Variants in UROC1 observed in about 807,000 individuals in gnomAD.
UROC1 encodes the protein urocanate hydratase 1, also known as urocanate hydratase.
A neutral mutation model predicts 89.5 loss-of-function variants in UROC1; 79 were observed. The observed-to-expected ratio is 0.88, with a 90% CI of 0.74 to 1.06. UROC1 has a LOEUF of 1.06. Among genes scored for constraint, UROC1 ranks in the 50% least tolerant of loss-of-function variants. The pLI is 0.00. For synonymous variants in UROC1, 361 were observed against 354.8 expected (o/e 1.02, Z -0.20); for missense variants, 885 against 907.8 (o/e 0.97, Z 0.32).
intron 19 of UROC1, 150 bp downstream of exon 19, chr3:126,483,219 T>G: frequency 1.4e-6 from 1 of 733,512 alleles, no homozygotes; most frequent in Non-Finnish European, 2.4e-6. Context: ...TTGAGCTGAT[T>G]CCCCCTTCCT....
chr3:126,505,960 G>T lies in UROC1; in HGVS notation c.654C>A (p.Ile218=). Residue 218 remains isoleucine (I), a synonymous_variant, in exon 7 of 20, where the codon ATC becomes ATA. Transcript: ENST00000290868. ...CATCTCTCACCACAGTGCCATGAAC[G>T]ATTCCCTGGGGACCGATGTAGCAGT... ...GSYCYIGPQG[I]VHGTVLTVLN... 1 of 1,597,392 alleles carries T rather than the reference G, an allele frequency of 6.3e-7. No homozygotes were observed. Among genetic ancestry groups the T allele is most frequent in the Non-Finnish European group, 8.5e-7 (1 of 1,171,202 alleles).
In UROC1 at chr3:126,499,380, T is replaced by C. The variant is rs772531060; in HGVS notation, c.1273A>G (p.Arg425Gly). Residue 425 changes from arginine to glycine, a missense_variant, in exon 13 of 20, where the codon AGG (arginine) becomes GGG (glycine). Physicochemically the swap from Arg to Gly is moderately radical, Grantham distance 125. Transcript: ENST00000290868. The part of the protein sequence containing the change: ...GADVEKKGAG[R>G]TEFRYPSYVQ... Reference sequence around the variant, plus strand: ...TAGGAAGGGTAGCGGAACTCTGTCCTGCCAGCACCTTTCTTCTCCACATCC... The same window carrying C: ...TAGGAAGGGTAGCGGAACTCTGTCCCGCCAGCACCTTTCTTCTCCACATCC... The C allele has an allele frequency of 3.1e-6, 5 of 1,612,662 alleles. No individual in the cohort carries two copies. Among genetic ancestry groups the C allele is most frequent in the Non-Finnish European group, 4.2e-6 (5 of 1,179,794 alleles).
chr3:126,497,473 G>T (rs1935804634), intron 14 of UROC1, among the ~76,000 whole-genome samples: 1 of 152,226 alleles, frequency 6.6e-6, no homozygotes, highest in African/African-American at 2.4e-5. Flanking sequence ...GGATGAACAT[G>T]GGGGACCCTG....
chr3:126,488,761 G>A (rs62264727), intron 17 of UROC1, among the ~76,000 whole-genome samples: 4,570 of 152,274 alleles, frequency 0.03, 78 homozygotes, highest in African/African-American at 0.05. Flanking sequence ...AGCCCAAGCC[G>A]GTCACCTTAT....
intron 11 of UROC1, 35 bp from the exon 12 acceptor site, chr3:126,500,189 AGGCCCTGGGGCC>A (rs768278145): frequency 8.1e-6 from 13 of 1,606,166 alleles, no homozygotes; most frequent in Non-Finnish European, 1.1e-5. Flanking sequence ...CACCGCTGTG[AGGCCCTGGGGCC>A]TCCCCAATGT....
intron 1 of UROC1, among the ~76,000 whole-genome samples, chr3:126,511,793 G>A (rs1397500424): frequency 2.0e-5 from 3 of 152,180 alleles, no homozygotes; most frequent in Admixed American, 6.5e-5. Flanking sequence ...CAGCCCCAAA[G>A]CTCTGTCTGC....
intron 14 of UROC1, among the ~76,000 whole-genome samples, chr3:126,496,469 G>A (rs955220326): frequency 3.3e-5 from 5 of 152,220 alleles, no homozygotes; most frequent in African/African-American, 7.2e-5. Flanking sequence ...TGGTGGATGC[G>A]GGGGCTTTCT....
chr3:126,500,143 T>G lies in UROC1; in HGVS notation c.1157A>C (p.Gln386Pro), dbSNP rs772028951. 2 of 1,613,768 alleles carry G rather than the reference T, an allele frequency of 1.2e-6. No individual in the cohort carries two copies. Among genetic ancestry groups the G allele is most frequent in the Non-Finnish European group, 1.7e-6 (2 of 1,179,980 alleles). Residue 386 changes from glutamine (Q) to proline (P), a missense_variant, in exon 12 of 20, where the codon CAA becomes CCA. Coordinates refer to ENST00000290868, the MANE Select transcript of UROC1 (RefSeq NM_144639.3). The part of the protein sequence containing the change: ...KDLVQESLRR[Q>P]VSAINRLAEE... ...GGCCAACCTGTTGATGGCTGAGACT[T>G]GCCTCCTCAGGCTGCAACAAGCCAT...
At chr3:126,487,581 G>C (rs1427027847) in intron 18 of UROC1, among the ~76,000 whole-genome samples, 3 of 152,218 alleles carry the variant, frequency 2.0e-5, no homozygotes, top group African/African-American at 7.2e-5. Flanking sequence ...ACTGGAGCCA[G>C]GCAGGGGGCG....
At position 126,500,171 on chromosome 3, in the gene UROC1, G is replaced by A; in HGVS notation, c.1146-17C>T. 5 of 1,612,738 alleles carry A rather than the reference G, an allele frequency of 3.1e-6. No homozygotes were observed. Among genetic ancestry groups the A allele is most frequent in the East Asian group, 2.2e-5 (1 of 44,864 alleles). On this transcript the variant is annotated splice_polypyrimidine_tract_variant and intron_variant, in intron 11 of 19. Coordinates refer to ENST00000290868, the MANE Select transcript of UROC1 (RefSeq NM_144639.3). ...CTCCTCAGGCTGCAACAAGCCATGG[G>A]TCAGCACCACCGCTGTGAGGCCCTG...
chr3:126,498,303 A>C, intron 13 of UROC1, 131 bp from the exon 14 acceptor site: 1 of 1,515,780 alleles, frequency 6.6e-7, no homozygotes, highest in African/African-American at 1.4e-5. Context: ...CTGTCATTGG[A>C]CAGAAAGTTC....
At chr3:126,508,224 G>T in intron 4 of UROC1, 129 bp from the exon 5 acceptor site, 10 of 1,551,172 alleles carry the variant, frequency 6.4e-6, no homozygotes, top group African/African-American at 1.4e-5. Flanking sequence ...AGTGGCCCTG[G>T]TGCCTCCCTC....
chr3:126,509,850 C>T lies in UROC1; in HGVS notation c.258-172G>A, dbSNP rs551425374. Among the ~76,000 whole-genome samples, 11 of 152,328 alleles carry T rather than the reference C, an allele frequency of 7.2e-5. No homozygotes were observed. In the South Asian group the frequency reaches 2.1e-3, roughly 29 times the overall value. ...GAGCCACTAGGGCTGAGGGAGGTGG[C>T]GTTCAGGCCCCAACCCACCCTGCTC... On this transcript the variant is annotated intron_variant, in intron 2 of 19. Transcript: ENST00000290868.
In UROC1 at chr3:126,498,163, G is replaced by A; in HGVS notation, c.1326C>T (p.Phe442=). The change falls in exon 14 of 20, where the codon TTC becomes TTT. Residue 442 remains phenylalanine (F), a synonymous_variant. Coordinates refer to ENST00000290868, the MANE Select transcript of UROC1 (RefSeq NM_144639.3). Reference sequence around the variant, plus strand: ...AGCGGAAAGGCCCAAATCCCTGGGAGAATATGTCCCTGCAAGCACAGATGC... The same window carrying A: ...AGCGGAAAGGCCCAAATCCCTGGGAAAATATGTCCCTGCAAGCACAGATGC... ...SYVQHIMGDI[F]SQGFGPFRWV... is the part of the protein sequence containing the mutation. The A allele has an allele frequency of 6.2e-7, 1 of 1,614,218 alleles. No homozygotes were observed. The highest frequency in any genetic ancestry group is 8.5e-7 in the Non-Finnish European group (1 of 1,180,028).
chr3:126,501,730 G>C (rs535238367), intron 9 of UROC1: 1 of 1,534,262 alleles, frequency 6.5e-7, no homozygotes, highest in Non-Finnish European at 8.9e-7. Context: ...GCAGGTAGTA[G>C]AGATATCAAA....
intron 9 of UROC1, 130 bp downstream of exon 9, chr3:126,503,865 G>A (rs1040916287): frequency 1.7e-5 from 16 of 941,106 alleles, no homozygotes; most frequent in Non-Finnish European, 2.8e-5. Context: ...ATGTATGTGT[G>A]GTGCCCACAT....
At chr3:126,493,809 GC>G (rs1211166793) in intron 15 of UROC1, among the ~76,000 whole-genome samples, 6 of 152,190 alleles carry the variant, frequency 3.9e-5, no homozygotes, top group Admixed American at 2.6e-4. Flanking sequence ...GTACGCTGAG[GC>G]TGAGAAACCC....
At position 126,499,374 on chromosome 3, in the gene UROC1, C is replaced by G. The variant is rs749968425; in HGVS notation, c.1279G>C (p.Glu427Gln). Residue 427 changes from glutamate (E) to glutamine (Q), a missense_variant, in exon 13 of 20, where the codon GAG (glutamate) becomes CAG (glutamine). Transcript: ENST00000290868. The stretch of plus-strand genomic sequence containing the variant: ...TGCACATAGGAAGGGTAGCGGAACT[C>G]TGTCCTGCCAGCACCTTTCTTCTCC... ...DVEKKGAGRT[E>Q]FRYPSYVQHI... The G allele has an allele frequency of 9.3e-6, 15 of 1,612,714 alleles. No homozygotes were observed. The highest frequency in any genetic ancestry group is 1.3e-5 in the Non-Finnish European group (15 of 1,179,790).
rs1452654264 is a variant in UROC1, at chr3:126,508,017, G to A, written c.490C>T (p.Leu164Phe). Residue 164 changes from leucine to phenylalanine, a missense_variant, in exon 5 of 20, where the codon CTC (leucine) becomes TTC (phenylalanine). Transcript: ENST00000290868. ...GGGGCACTGCGGCTGCTGGGAAAGAGGCCAAGTGGGTGCCCACTGTACATG... is the reference window on the plus strand; with the variant it reads ...GGGGCACTGCGGCTGCTGGGAAAGAAGCCAAGTGGGTGCCCACTGTACATG... ...LVMYSGHPLGLFPSSRSAPRL... is the reference protein window; with the variant it reads ...LVMYSGHPLGFFPSSRSAPRL... The A allele has an allele frequency of 1.9e-6, 3 of 1,614,058 alleles. No homozygotes were observed. Among genetic ancestry groups the A allele is most frequent in the Non-Finnish European group, 2.5e-6 (3 of 1,180,032 alleles).
Sources: gnomAD v4.1 joint callset for allele counts (sites outside exome capture counted in the v4.1 genomes callset) on GRCh38, gnomAD v4.1.1 for gene constraint, MANE v1.5 for transcripts, NCBI Gene and HGNC (gene_info 2026-07-23, HGNC 2026-07-21) for gene names.